Variants in KLF13 observed in about 807,000 individuals in gnomAD.
The protein encoded by KLF13 is KLF transcription factor 13, also known as Krueppel-like factor 13.
KLF13 carries 8 observed loss-of-function variants against 16.7 expected under a neutral mutation model. The ratio of observed to expected loss-of-function variants is 0.48; its 90% CI spans 0.28 to 0.87. The LOEUF (loss-of-function observed/expected upper bound fraction) is 0.87, where lower values mean the gene tolerates loss of function less well. KLF13 is among the 40% of genes least tolerant of loss of function. KLF13 has a pLI of 0.10. For missense variants in KLF13, 447 were observed against 452.2 expected (o/e 0.99, Z 0.10); for synonymous variants, 245 against 208.4 (o/e 1.18, Z -1.51).
chr15:31,366,457 CTG>C (rs1334633621), intron 1 of KLF13: 1 of 152,308 alleles, frequency 6.6e-6, no homozygotes, highest in East Asian at 1.9e-4. Context: ...TGGAGTGACT[CTG>C]AGATCCGGCA....
At position 31,420,504 on chromosome 15, in the gene KLF13, A is replaced by G. The variant is rs537170495; in HGVS notation, n.118-14866A>G. ...TGGAAAGACAAGTCGTCTGTACTGT[A>G]TGGCATCAGGACCATTCTGGTCTCC... On this transcript the variant is annotated intron_variant and non_coding_transcript_variant, in intron 1 of 1. Coordinates refer to the KLF13 transcript ENST00000558225. The G allele has an allele frequency of 6.2e-5, 39 of 632,690 alleles. No homozygotes were observed. The African/African-American group carries it at 6.6e-4, about 11-fold the overall frequency. 39.2% of individuals were successfully genotyped at this position (632,690 alleles called of 1,614,324 possible).
chr15:31,327,402 G>A lies in KLF13; in HGVS notation c.190G>A (p.Val64Met), dbSNP rs1555372541. Residue 64 changes from valine (V) to methionine (M), a missense_variant, in exon 1 of 2, where the codon GTG (valine) becomes ATG (methionine). Physicochemically the swap from Val to Met is conservative, Grantham distance 21. Coordinates refer to ENST00000307145, the MANE Select transcript of KLF13 (RefSeq NM_015995.4). ...DGKDSASLFV[V>M]ARILADLNQQ... ...TAAGGACAGCGCCTCGCTCTTCGTG[G>A]TGGCGCGGATCCTAGCGGACCTCAA... 7.8e-7 allele frequency: 1 copy of A among 1,289,110 alleles called. No homozygotes were observed. The highest frequency in any genetic ancestry group is 2.1e-5 in the South Asian group (1 of 47,526). The allele number at this position is 1,289,110 out of a possible 1,614,324, so 79.9% of individuals were successfully genotyped here. A position where few individuals can be genotyped will look rare whatever the true frequency, so the allele number is the denominator to read the frequency against.
At chr15:31,371,967 G>A (rs778155677) in intron 1 of KLF13, 43 bp from the exon 2 acceptor site, 19 of 1,543,606 alleles carry the variant, frequency 1.2e-5, no homozygotes, top group African/African-American at 8.2e-5. Context: ...GTGTGAAGGC[G>A]GGGCCAGGTG....
intron 1 of KLF13, among the ~76,000 whole-genome samples, chr15:31,362,979 G>A (rs2039412879): frequency 6.6e-6 from 1 of 152,246 alleles, no homozygotes; most frequent in Admixed American, 6.5e-5. Flanking sequence ...GGTTCCTGCT[G>A]CATTGACTAA....
intron 1 of KLF13, among the ~76,000 whole-genome samples, chr15:31,367,032 G>T (rs186271748): frequency 6.6e-6 from 1 of 152,368 alleles, no homozygotes; most frequent in African/African-American, 2.4e-5. Context: ...CTAATACGAT[G>T]AAAGCAGTGG....
At chr15:31,337,160 T>A (rs912297565) in intron 1 of KLF13, among the ~76,000 whole-genome samples, 2 of 152,186 alleles carry the variant, frequency 1.3e-5, no homozygotes, top group African/African-American at 4.8e-5. Flanking sequence ...CATGTCCCTC[T>A]CCCACTAGGC....
chr15:31,351,152 G>A (rs2039209593), intron 1 of KLF13, among the ~76,000 whole-genome samples: 1 of 152,214 alleles, frequency 6.6e-6, no homozygotes, highest in Non-Finnish European at 1.5e-5. Flanking sequence ...TTGGTGCTCT[G>A]GGCTGGGGTC....
chr15:31,379,978 G>C (rs149340239), downstream of KLF13, among the ~76,000 whole-genome samples: 383 of 152,306 alleles, frequency 2.5e-3, 1 homozygote, highest in Admixed American at 3.7e-3. Flanking sequence ...CCTGGCAAAG[G>C]CTCACAGTGA....
intron 1 of KLF13, among the ~76,000 whole-genome samples, chr15:31,421,791 C>T (rs1478663412): frequency 2.0e-5 from 3 of 152,072 alleles, no homozygotes; most frequent in African/African-American, 7.2e-5. Flanking sequence ...CCTTTCCTGT[C>T]AGTAATTTTT....
At chr15:31,389,258 C>T (rs1354448182), upstream of KLF13, among the ~76,000 whole-genome samples, 1 of 152,200 alleles carries the variant, frequency 6.6e-6, no homozygotes, top group African/African-American at 2.4e-5. Context: ...TTTTCTCTAG[C>T]TTACCATATT....
At position 31,400,959 on chromosome 15, in the gene KLF13, C is replaced by T. The variant is rs116581955; in HGVS notation, n.530-2469C>T. Among the ~76,000 whole-genome samples the T allele has an allele frequency of 2.0e-3, 298 of 152,122 alleles. 2 individuals carry two copies. The highest frequency in any genetic ancestry group is 6.7e-3 in the African/African-American group (278 of 41,486). ...TCATCTTTTTGATGTCACCAGGTGACCTTCTGAGGCAGGTGCTGCAATGTG... is the reference window on the plus strand; with the variant it reads ...TCATCTTTTTGATGTCACCAGGTGATCTTCTGAGGCAGGTGCTGCAATGTG... On this transcript the variant is annotated intron_variant and non_coding_transcript_variant, in intron 2 of 2. Coordinates refer to the KLF13 transcript ENST00000500533.
chr15:31,348,714 G>A (rs1045215075), intron 1 of KLF13, among the ~76,000 whole-genome samples: 2 of 152,110 alleles, frequency 1.3e-5, no homozygotes, highest in African/African-American at 2.4e-5. Context: ...TTTAAGCACC[G>A]CCCCAGAGCT....
intron 2 of KLF13, among the ~76,000 whole-genome samples, chr15:31,399,702 G>A (rs1291014571): frequency 6.6e-6 from 1 of 152,250 alleles, no homozygotes; most frequent in East Asian, 1.9e-4. Flanking sequence ...GGCTCAGCTT[G>A]GGTGGATGTG....
At chr15:31,406,322 C>T (rs1478043969), downstream of KLF13, among the ~76,000 whole-genome samples, 1 of 152,116 alleles carries the variant, frequency 6.6e-6, no homozygotes, top group Non-Finnish European at 1.5e-5. Context: ...ACTAAAAATA[C>T]AAAAATTAAC....
At chr15:31,388,874 G>A (rs1334888451), upstream of KLF13, among the ~76,000 whole-genome samples, 1 of 147,620 alleles carries the variant, frequency 6.8e-6, no homozygotes, top group Non-Finnish European at 1.5e-5. Context: ...TTTTTTAGGG[G>A]ACTAAACTTT....
At chr15:31,383,904 A>AAAAT (rs71422886) in intron 1 of KLF13, among the ~76,000 whole-genome samples, 12 of 143,538 alleles carry the variant, frequency 8.4e-5, no homozygotes, top group East Asian at 2.0e-4. Flanking sequence ...TCCGTCTCAA[A>AAAAT]AAATAAATAA....
chr15:31,416,745 T>A (rs2040260960), intron 1 of KLF13, among the ~76,000 whole-genome samples: 1 of 152,070 alleles, frequency 6.6e-6, no homozygotes, highest in Non-Finnish European at 1.5e-5. Context: ...AAAATTAACA[T>A]AGAACAAATG....
chr15:31,346,826 G>C (rs1002731640), intron 1 of KLF13, among the ~76,000 whole-genome samples: 2 of 152,240 alleles, frequency 1.3e-5, no homozygotes, highest in Non-Finnish European at 2.9e-5. Flanking sequence ...CTGCAGGCCA[G>C]GTTCCTGCCT....
At chr15:31,345,044 C>A (rs1160122609) in intron 1 of KLF13, among the ~76,000 whole-genome samples, 1 of 152,202 alleles carries the variant, frequency 6.6e-6, no homozygotes, top group African/African-American at 2.4e-5. Flanking sequence ...AGGGTTCTCT[C>A]CTGGCCCTTC....
Sources: gnomAD v4.1 joint callset for allele counts (sites outside exome capture counted in the v4.1 genomes callset) on GRCh38, gnomAD v4.1.1 for gene constraint, MANE v1.5 for transcripts, NCBI Gene and HGNC (gene_info 2026-07-23, HGNC 2026-07-21) for gene names.